The following TENT2 variants were observed in gnomAD, a reference collection of about 807,000 sequenced individuals.
TENT2 encodes poly(A) RNA polymerase GLD2.
In TENT2, 44 loss-of-function variants were observed where a neutral mutation model predicts 72.2. The observed-to-expected ratio is 0.61, with a 90% CI of 0.48 to 0.78. The LOEUF (loss-of-function observed/expected upper bound fraction) is 0.78, where lower values mean the gene tolerates loss of function less well. Among genes scored for constraint, TENT2 ranks in the 30% least tolerant of loss-of-function variants. The probability of loss-of-function intolerance (pLI) is 0.00; values close to 1 mark genes in which losing one functional copy is unlikely to be tolerated. For missense variants in TENT2, 541 were observed against 569.6 expected (o/e 0.95, Z 0.51); for synonymous variants, 212 against 192.5 (o/e 1.10, Z -0.84).
At chr5:79,665,848 G>T (rs1807214328) in intron 11 of TENT2, among the ~76,000 whole-genome samples, 1 of 151,666 alleles carries the variant, frequency 6.6e-6, no homozygotes, top group Non-Finnish European at 1.5e-5. Flanking sequence ...TTGACTTTTT[G>T]GTTGTTCTTT....
At chr5:79,619,819 GTA>G in intron 2 of TENT2, 34 bp downstream of exon 2, 3 of 1,588,208 alleles carry the variant, frequency 1.9e-6, no homozygotes, top group Non-Finnish European at 2.6e-6. Context: ...CATGTTGTTG[GTA>G]AATTTCATTT....
chr5:79,622,836 T>C (rs1431245583), intron 3 of TENT2, among the ~76,000 whole-genome samples: 1 of 152,174 alleles, frequency 6.6e-6, no homozygotes, highest in Non-Finnish European at 1.5e-5. Context: ...TGCTGATGAG[T>C]CAGAACATAG....
At chr5:79,626,892 G>A (rs1461724527) in intron 4 of TENT2, among the ~76,000 whole-genome samples, 1 of 151,984 alleles carries the variant, frequency 6.6e-6, no homozygotes, top group East Asian at 2.0e-4. Context: ...AGCACTTTGG[G>A]AGGCCAAGGT....
chr5:79,678,582 A>T (rs964358358), intron 12 of TENT2, among the ~76,000 whole-genome samples: 3 of 152,214 alleles, frequency 2.0e-5, no homozygotes, highest in African/African-American at 4.8e-5. Flanking sequence ...AGTATGTACT[A>T]AATACTGGAC....
intron 4 of TENT2, among the ~76,000 whole-genome samples, chr5:79,633,997 C>CAAAAAAAAAAAAAAAAA (rs562252526): frequency 1.4e-5 from 1 of 70,480 alleles, no homozygotes. Context: ...ACTAAAAATA[C>CAAAAAAAAAAAAAAAAA]AAAAAAAAAA....
intron 3 of TENT2, 148 bp downstream of exon 3, chr5:79,620,231 C>A: frequency 2.0e-6 from 1 of 493,718 alleles, no homozygotes; most frequent in Non-Finnish European, 3.6e-6. Flanking sequence ...GGAATTTTAA[C>A]ATTTTTATGC....
chr5:79,663,239 T>C (rs955958945), intron 11 of TENT2, among the ~76,000 whole-genome samples: 1 of 152,210 alleles, frequency 6.6e-6, no homozygotes, highest in African/African-American at 2.4e-5. Context: ...AGTGAAACTT[T>C]CCATATCAGC....
intron 12 of TENT2, among the ~76,000 whole-genome samples, chr5:79,670,663 A>C (rs1157296087): frequency 6.6e-6 from 1 of 151,654 alleles, no homozygotes; most frequent in Non-Finnish European, 1.5e-5. Flanking sequence ...AAGATTAAAG[A>C]CTGGATGAGA....
intron 4 of TENT2, among the ~76,000 whole-genome samples, chr5:79,632,483 T>G (rs1776381910): frequency 6.6e-6 from 1 of 152,230 alleles, no homozygotes. Context: ...TCTAAGCCCC[T>G]GAATTCCATC....
intron 2 of TENT2, 74 bp downstream of exon 2, chr5:79,619,859 G>C (rs2149907372): frequency 6.6e-7 from 1 of 1,526,440 alleles, no homozygotes; most frequent in Admixed American, 2.1e-5. Context: ...CTTTTTGTAT[G>C]AAACTTTTGA....
intron 4 of TENT2, among the ~76,000 whole-genome samples, chr5:79,639,400 A>G (rs1782643598): frequency 6.6e-6 from 1 of 152,078 alleles, no homozygotes; most frequent in Non-Finnish European, 1.5e-5. Context: ...TAAACTTGAA[A>G]TACTCCAATT....
rs1479354362 is a variant in TENT2, at chr5:79,640,420, A to C, written c.466-431A>C. Reference sequence around the variant, plus strand: ...TGGGTGTGAATACTAGGGATTGGGCAAACTTCTTTAAAAAGCCAGATAGTA... The same window carrying C: ...TGGGTGTGAATACTAGGGATTGGGCCAACTTCTTTAAAAAGCCAGATAGTA... On this transcript the variant is annotated intron_variant, in intron 4 of 14. Transcript: ENST00000453514. 2.0e-5 allele frequency among the ~76,000 whole-genome samples: 3 copies of C among 152,288 alleles called. No homozygotes were observed. The South Asian group carries it at 6.2e-4, about 32-fold the overall frequency.
At chr5:79,641,335 C>G (rs1784269187) in intron 6 of TENT2, 139 bp downstream of exon 6, 1 of 638,040 alleles carries the variant, frequency 1.6e-6, no homozygotes, top group South Asian at 3.1e-5. Context: ...TGCAGGAAAC[C>G]TAGGTAATTT....
At chr5:79,675,396 A>C (rs1816457522) in intron 12 of TENT2, among the ~76,000 whole-genome samples, 1 of 152,214 alleles carries the variant, frequency 6.6e-6, no homozygotes, top group Admixed American at 6.5e-5. Flanking sequence ...GAAATGAGTC[A>C]GGGACATGTG....
At chr5:79,685,106 A>T in intron 14 of TENT2, 93 bp from the exon 15 acceptor site, 2 of 993,208 alleles carry the variant, frequency 2.0e-6, no homozygotes, top group Non-Finnish European at 3.1e-6. Flanking sequence ...TTTATCACCT[A>T]GAGAGAACCA....
chr5:79,682,194 A>G (rs941221972), intron 14 of TENT2, 133 bp downstream of exon 14: 5 of 511,600 alleles, frequency 9.8e-6, no homozygotes, highest in Middle Eastern at 1.0e-3. Flanking sequence ...TAGAGAACTT[A>G]TTATTTGAAT....
chr5:79,626,625 ATT>A (rs564494148), intron 4 of TENT2, among the ~76,000 whole-genome samples: 12 of 134,416 alleles, frequency 8.9e-5, no homozygotes, highest in Non-Finnish European at 1.1e-4. Flanking sequence ...AATGTTTTTA[ATT>A]TTTTTTTTTT....
chr5:79,634,593 C>T (rs1778594000), intron 4 of TENT2, among the ~76,000 whole-genome samples: 2 of 152,232 alleles, frequency 1.3e-5, no homozygotes, highest in Admixed American at 1.3e-4. Context: ...CCCGCCTTGG[C>T]CTCCCAGAGT....
intron 4 of TENT2, among the ~76,000 whole-genome samples, chr5:79,634,161 A>C (rs1333684550): frequency 6.6e-6 from 1 of 151,472 alleles, no homozygotes; most frequent in Non-Finnish European, 1.5e-5. Flanking sequence ...TCTCAAAAAA[A>C]AAAAAAAAAA....
Sources: allele counts gnomAD v4.1 joint callset (sites outside exome capture counted in the v4.1 genomes callset), GRCh38; gene constraint gnomAD v4.1.1; transcripts MANE v1.5; gene names NCBI Gene and HGNC (gene_info 2026-07-23, HGNC 2026-07-21).